The following NCALD variants were observed in gnomAD, a reference collection of about 807,000 sequenced individuals.
NCALD encodes the protein neurocalcin delta.
A neutral mutation model predicts 18.6 loss-of-function variants in NCALD; 10 were observed. The ratio of observed to expected loss-of-function variants is 0.54; its 90% CI spans 0.33 to 0.91. NCALD has a LOEUF of 0.91. Ranked by LOEUF, NCALD falls within the 40% of genes least tolerant of loss-of-function variation. NCALD has a pLI of 0.03. For missense variants in NCALD, 184 were observed against 247.6 expected (o/e 0.74, Z 1.72); for synonymous variants, 88 against 87.4 (o/e 1.01, Z -0.04).
rs112163804 is a variant in NCALD, at chr8:101,800,365, T to C, written c.-19-80717A>G. 7.5e-3 allele frequency among the ~76,000 whole-genome samples: 1,126 copies of C among 151,102 alleles called. 13 individuals carry two copies. The highest frequency in any genetic ancestry group is 0.024 in the African/African-American group (987 of 41,130). On this transcript the variant is annotated intron_variant, in intron 4 of 6. Transcript: ENST00000311028. ...TAATCCTTGCAGTAGCTACTAAAAATAAACAAACAAACAAAAAAACTAAAG... is the reference window on the plus strand; with the variant it reads ...TAATCCTTGCAGTAGCTACTAAAAACAAACAAACAAACAAAAAAACTAAAG...
At chr8:101,844,359 C>CTTTTTTTTT (rs35559892) in intron 4 of NCALD, among the ~76,000 whole-genome samples, 1 of 145,134 alleles carries the variant, frequency 6.9e-6, no homozygotes, top group Non-Finnish European at 1.5e-5. Context: ...ACTCTAAATT[C>CTTTTTTTTT]TTTTTTTTTT....
chr8:102,014,535 C>T (rs1162466110), intron 2 of NCALD, among the ~76,000 whole-genome samples: 3 of 151,772 alleles, frequency 2.0e-5, no homozygotes, highest in South Asian at 4.2e-4. Context: ...AAATTCCCTG[C>T]TACAAGAAAG....
chr8:101,773,439 A>T (rs574059675), intron 1 of NCALD, among the ~76,000 whole-genome samples: 8 of 152,352 alleles, frequency 5.3e-5, no homozygotes, highest in African/African-American at 1.7e-4. Context: ...GGCTAATTGT[A>T]TAAGTTTCCA....
At chr8:102,099,857 AG>A (rs1825218420) in intron 1 of NCALD, among the ~76,000 whole-genome samples, 1 of 152,014 alleles carries the variant, frequency 6.6e-6, no homozygotes, top group Non-Finnish European at 1.5e-5. Flanking sequence ...TTGTAATCCC[AG>A]CTACTCAGGA....
At chr8:102,081,034 C>A (rs560904850) in intron 1 of NCALD, among the ~76,000 whole-genome samples, 47 of 152,212 alleles carry the variant, frequency 3.1e-4, no homozygotes, top group Non-Finnish European at 5.9e-4. Flanking sequence ...TGTAAATGTT[C>A]CGATTCATGG....
intron 1 of NCALD, among the ~76,000 whole-genome samples, chr8:102,093,953 A>G (rs1390622947): frequency 6.6e-6 from 1 of 152,136 alleles, no homozygotes; most frequent in Non-Finnish European, 1.5e-5. Flanking sequence ...CAGAGTGGCA[A>G]GAATTCATCA....
At chr8:102,035,397 CAT>C (rs1393307508) in intron 1 of NCALD, among the ~76,000 whole-genome samples, 1 of 152,128 alleles carries the variant, frequency 6.6e-6, no homozygotes, top group Non-Finnish European at 1.5e-5. Flanking sequence ...ATTTTAAAAA[CAT>C]ATTTTTATCA....
intron 2 of NCALD, among the ~76,000 whole-genome samples, chr8:101,714,663 A>G (rs1014822611): frequency 6.6e-6 from 1 of 152,164 alleles, no homozygotes; most frequent in African/African-American, 2.4e-5. Flanking sequence ...TATGAAACCA[A>G]AAAAGAGCCT....
chr8:101,958,917 C>T (rs1041250171), intron 2 of NCALD, among the ~76,000 whole-genome samples: 20 of 152,040 alleles, frequency 1.3e-4, no homozygotes, highest in African/African-American at 3.9e-4. Context: ...ACATTTGAGC[C>T]GTTTGAAAGT....
At chr8:101,799,510 T>C (rs551025522) in intron 4 of NCALD, among the ~76,000 whole-genome samples, 1 of 152,254 alleles carries the variant, frequency 6.6e-6, no homozygotes, top group South Asian at 2.1e-4. Context: ...AGCCGAGAAC[T>C]GGGAACCACC....
chr8:102,020,309 T>G (rs1822229886), intron 1 of NCALD: 1 of 152,194 alleles, frequency 6.6e-6, no homozygotes, highest in Non-Finnish European at 1.5e-5. Context: ...ATAAAAGTAT[T>G]GTCTTAGCTT....
In NCALD at chr8:102,059,494, T is replaced by C. The variant is rs557024491; in HGVS notation, c.-209-39205A>G. Among the ~76,000 whole-genome samples, 8 of 152,332 alleles carry C rather than the reference T, an allele frequency of 5.3e-5. No individual in the cohort carries two copies. The South Asian group carries it at 1.7e-3, about 32-fold the overall frequency. ...GATGAAAGGATGTTTATAACACTCC[T>C]AGCTACAGACTGGAATTCTGAAAGA... On this transcript the variant is annotated intron_variant, in intron 1 of 6. Coordinates refer to the NCALD transcript ENST00000311028.
chr8:101,937,611 T>G (rs1182191264), intron 2 of NCALD, among the ~76,000 whole-genome samples: 3 of 152,220 alleles, frequency 2.0e-5, no homozygotes, highest in African/African-American at 7.2e-5. Flanking sequence ...TTTCCATTTC[T>G]TTGTTATTGT....
intron 2 of NCALD, among the ~76,000 whole-genome samples, chr8:101,971,786 C>A (rs1480729565): frequency 6.6e-6 from 1 of 152,046 alleles, no homozygotes; most frequent in African/African-American, 2.4e-5. Flanking sequence ...AATAAAAGAC[C>A]CTGAGACCCC....
chr8:101,923,025 G>T (rs1002186932), intron 2 of NCALD, among the ~76,000 whole-genome samples: 3 of 152,110 alleles, frequency 2.0e-5, no homozygotes, highest in Admixed American at 6.6e-5. Flanking sequence ...GCTTTAAGGG[G>T]TTGATTACAT....
chr8:101,800,365 TAAACAAAC>T (rs146274012), intron 4 of NCALD, among the ~76,000 whole-genome samples: 1 of 150,984 alleles, frequency 6.6e-6, no homozygotes, highest in Non-Finnish European at 1.5e-5. Context: ...CTACTAAAAA[TAAACAAAC>T]AAACAAAAAA....
chr8:101,789,646 T>C (rs904806572), intron 1 of NCALD, among the ~76,000 whole-genome samples: 6 of 152,214 alleles, frequency 3.9e-5, no homozygotes, highest in African/African-American at 1.4e-4. Flanking sequence ...ATGGTATTCA[T>C]ATATACAGTT....
chr8:101,875,730 C>T (rs932274863), intron 4 of NCALD, among the ~76,000 whole-genome samples: 1 of 152,148 alleles, frequency 6.6e-6, no homozygotes, highest in East Asian at 1.9e-4. Context: ...CACCAAAAAC[C>T]GAAACTGCAT....
At chr8:101,759,427 G>T (rs1348181449) in intron 1 of NCALD, among the ~76,000 whole-genome samples, 1 of 152,092 alleles carries the variant, frequency 6.6e-6, no homozygotes, top group Non-Finnish European at 1.5e-5. Context: ...GAGAGACAGG[G>T]ATTGCTTTTA....
Sources: gnomAD v4.1 joint callset for allele counts (sites outside exome capture counted in the v4.1 genomes callset) on GRCh38, gnomAD v4.1.1 for gene constraint, MANE v1.5 for transcripts, NCBI Gene and HGNC (gene_info 2026-07-23, HGNC 2026-07-21) for gene names.